Variants in NNT observed in about 807,000 individuals in gnomAD.
NNT encodes NAD(P) transhydrogenase, mitochondrial.
A neutral mutation model predicts 104.8 loss-of-function variants in NNT; 50 were observed. The ratio of observed to expected loss-of-function variants is 0.48; its 90% CI spans 0.38 to 0.60. The LOEUF (loss-of-function observed/expected upper bound fraction) is 0.60. Ranked by LOEUF, NNT falls within the 20% of genes least tolerant of loss-of-function variation. The pLI is 0.00. For synonymous variants in NNT, 461 were observed against 490.4 expected (o/e 0.94, Z 0.79); for missense variants, 1,131 against 1,330.7 (o/e 0.85, Z 2.33).
chr5:43,613,074 T>C lies in NNT; in HGVS notation c.318T>C (p.Tyr106=), dbSNP rs756010503. The change falls in exon 3 of 22, where the codon TAT becomes TAC. Residue 106 remains tyrosine, a synonymous_variant. Transcript: ENST00000344920. ...GEASKFSDDH[Y]RVAGAQIQGA... ...CTTCCAAGTTCTCAGATGATCACTA[T>C]AGAGTGGCAGGTGCCCAAATCCAAG... 6.2e-7 allele frequency: 1 copy of C among 1,614,180 alleles called. No homozygotes were observed. Among genetic ancestry groups the C allele is most frequent in the South Asian group, 1.1e-5 (1 of 91,086 alleles).
intron 17 of NNT, among the ~76,000 whole-genome samples, chr5:43,665,968 G>A (rs1740639065): frequency 6.6e-6 from 1 of 151,920 alleles, no homozygotes; most frequent in African/African-American, 2.4e-5. Context: ...TCGCGCCCCG[G>A]CAGAGGCGCT....
chr5:43,701,145 G>A (rs1275966597), intron 20 of NNT, among the ~76,000 whole-genome samples: 2 of 151,948 alleles, frequency 1.3e-5, no homozygotes, highest in African/African-American at 2.4e-5. Context: ...GTACATGTGC[G>A]GTTTGTTACC....
At chr5:43,702,837 C>T (rs1487251953) in intron 21 of NNT, 101 bp downstream of exon 21, 2 of 811,540 alleles carry the variant, frequency 2.5e-6, no homozygotes, top group Admixed American at 5.4e-5. Flanking sequence ...ATGATGCCTT[C>T]TAGGAGGCCA....
Position 43,609,298 on chromosome 5 carries a change from A to G in NNT, c.103A>G (p.Thr35Ala). ...GLRVKKDFLRTFYTHQELWCK... is the reference protein window; with the variant it reads ...GLRVKKDFLRAFYTHQELWCK... Reference sequence around the variant, plus strand: ...ACGTGTGAAGAAGGATTTTTTACGAACATTTTATACTCACCAAGAACTGTG... The same window carrying G: ...ACGTGTGAAGAAGGATTTTTTACGAGCATTTTATACTCACCAAGAACTGTG... Residue 35 changes from threonine (T) to alanine (A), a missense_variant, in exon 2 of 22, where the codon ACA becomes GCA. By Grantham distance (58) the Thr-to-Ala change is moderately conservative. Transcript: ENST00000344920. The G allele has an allele frequency of 6.2e-7, 1 of 1,614,136 alleles. No homozygotes were observed. The highest frequency in any genetic ancestry group is 8.5e-7 in the Non-Finnish European group (1 of 1,179,996).
At chr5:43,622,886 G>A (rs1174922958) in intron 5 of NNT, among the ~76,000 whole-genome samples, 2 of 129,380 alleles carry the variant, frequency 1.5e-5, no homozygotes, top group Non-Finnish European at 3.3e-5. Context: ...TTTTTGTTAT[G>A]TCTTGATTCA....
chr5:43,638,573 T>A (rs1293610028), intron 7 of NNT, among the ~76,000 whole-genome samples: 1 of 152,120 alleles, frequency 6.6e-6, no homozygotes, highest in East Asian at 1.9e-4. Flanking sequence ...GAAATCTATT[T>A]TGGTTTGGAT....
intron 1 of NNT, among the ~76,000 whole-genome samples, chr5:43,608,680 G>A (rs1749350109): frequency 6.6e-6 from 1 of 152,120 alleles, no homozygotes; most frequent in Admixed American, 6.6e-5. Context: ...TGACCTGGTG[G>A]CTAAATGTAA....
intron 17 of NNT, chr5:43,667,024 T>G: frequency 6.3e-7 from 1 of 1,596,752 alleles, no homozygotes; most frequent in East Asian, 2.2e-5. Context: ...CTTGATAGCC[T>G]GGGCACGTGC....
chr5:43,668,201 A>C (rs1035409554), intron 17 of NNT, among the ~76,000 whole-genome samples: 11 of 148,336 alleles, frequency 7.4e-5, no homozygotes, highest in African/African-American at 2.2e-4. Context: ...AGATTGCAAA[A>C]ATTTTCTCCC....
chr5:43,664,133 A>G (rs1740507638), intron 17 of NNT, among the ~76,000 whole-genome samples: 2 of 152,224 alleles, frequency 1.3e-5, no homozygotes, highest in Non-Finnish European at 2.9e-5. Flanking sequence ...GCTCAGTGCT[A>G]TGGTTACACA....
chr5:43,700,661 C>T (rs1742801221), intron 20 of NNT, among the ~76,000 whole-genome samples: 1 of 152,178 alleles, frequency 6.6e-6, no homozygotes, highest in South Asian at 2.1e-4. Flanking sequence ...TTCAATTGTA[C>T]TAACGTATGA....
chr5:43,668,694 A>T (rs914922774), intron 17 of NNT, among the ~76,000 whole-genome samples: 3 of 152,164 alleles, frequency 2.0e-5, no homozygotes, highest in Non-Finnish European at 4.4e-5. Context: ...CTTGTAGGAT[A>T]GTTTGAAGTC....
At chr5:43,672,505 T>C (rs1426021996) in intron 17 of NNT, among the ~76,000 whole-genome samples, 3 of 152,246 alleles carry the variant, frequency 2.0e-5, no homozygotes, top group Non-Finnish European at 4.4e-5. Context: ...CTTCTAACAG[T>C]CAGGACCCTC....
intron 17 of NNT, among the ~76,000 whole-genome samples, chr5:43,669,891 G>T (rs978984121): frequency 1.4e-3 from 210 of 152,220 alleles, no homozygotes; most frequent in African/African-American, 4.9e-3. Flanking sequence ...GTAGAATTCA[G>T]CTGTGAATCC....
intron 21 of NNT, 45 bp from the exon 22 acceptor site, chr5:43,704,210 G>T (rs1223961440): frequency 8.7e-6 from 13 of 1,502,326 alleles, no homozygotes; most frequent in Non-Finnish European, 1.2e-5. Context: ...CATGTCCTAG[G>T]TTGGTCTGTT....
intron 8 of NNT, 39 bp from the exon 9 acceptor site, chr5:43,644,572 G>A (rs953500344): frequency 9.9e-6 from 15 of 1,515,410 alleles, no homozygotes; most frequent in Non-Finnish European, 1.3e-5. Context: ...TGTGAACATA[G>A]GGTGATAGAC....
chr5:43,641,075 T>A (rs575319052), intron 7 of NNT, among the ~76,000 whole-genome samples: 2 of 152,150 alleles, frequency 1.3e-5, no homozygotes, highest in African/African-American at 4.8e-5. Flanking sequence ...GGGTAGATAT[T>A]TTTTACCCAG....
chr5:43,609,186 T>C lies in NNT; in HGVS notation c.-10T>C, dbSNP rs1202809434. 1 of 1,605,118 alleles carries C rather than the reference T, an allele frequency of 6.2e-7. No individual in the cohort carries two copies. The highest frequency in any genetic ancestry group is 2.2e-5 in the East Asian group (1 of 44,786). On this transcript the variant is annotated 5_prime_UTR_variant, in exon 2 of 22. Transcript: ENST00000344920. Reference sequence around the variant, plus strand: ...ACTGGGGAGTCAGAAAATTGGGAACTCATATCAACATGGCAAACCTATTGA... The same window carrying C: ...ACTGGGGAGTCAGAAAATTGGGAACCCATATCAACATGGCAAACCTATTGA...
intron 1 of NNT, among the ~76,000 whole-genome samples, chr5:43,604,285 C>T (rs185113495): frequency 3.3e-5 from 5 of 152,276 alleles, no homozygotes; most frequent in African/African-American, 1.2e-4. Flanking sequence ...CGGAGAAGCG[C>T]GTGGGGCTTA....
Sources: allele counts gnomAD v4.1 joint callset (sites outside exome capture counted in the v4.1 genomes callset), GRCh38; gene constraint gnomAD v4.1.1; transcripts MANE v1.5; gene names NCBI Gene and HGNC (gene_info 2026-07-23, HGNC 2026-07-21).